Variants in ALPL observed in about 807,000 individuals in gnomAD.
ALPL encodes the protein alkaline phosphatase, tissue-nonspecific isozyme.
Under a neutral mutation model 51.3 loss-of-function variants are expected in ALPL, and 42 were observed. The ratio of observed to expected loss-of-function variants is 0.82; its 90% confidence interval spans 0.64 to 1.06. The LOEUF (loss-of-function observed/expected upper bound fraction) is 1.06, where lower values mean the gene tolerates loss of function less well. Ranked by LOEUF, ALPL falls within the 50% of genes least tolerant of loss-of-function variation. The pLI, the probability that ALPL is intolerant of heterozygous loss-of-function variation, is 0.00. For synonymous variants in ALPL, 279 were observed against 296.4 expected, an observed-to-expected ratio of 0.94 and a Z score of 0.60; for missense variants, 589 against 709.4, an observed-to-expected ratio of 0.83 and a Z score of 1.93.
intron 2 of ALPL, among the ~76,000 whole-genome samples, chr1:21,556,078 TTTTG>T (rs1644410073): frequency 6.6e-6 from 1 of 152,092 alleles, no homozygotes; most frequent in African/African-American, 2.4e-5. Context: ...CGGCCGAGTT[TTTTG>T]TTTTTCTGTT....
rs76731989 is a variant in ALPL, at chr1:21,575,447, G to A, written c.998-286G>A. 7.5e-3 allele frequency among the ~76,000 whole-genome samples: 1,139 copies of A among 152,248 alleles called. 23 individuals carry two copies. Among genetic ancestry groups the A allele is most frequent in the African/African-American group, 0.026 (1,088 of 41,540 alleles). Reference sequence around the variant, plus strand: ...AGCTAGAGACAGTGCTGGGAGGGGCGGTGGGAGGAGTACAGCTTCCCGGCC... The same window carrying A: ...AGCTAGAGACAGTGCTGGGAGGGGCAGTGGGAGGAGTACAGCTTCCCGGCC... On this transcript the variant is annotated intron_variant, in intron 9 of 11. Transcript: ENST00000374840.
At chr1:21,571,395 G>A (rs1034984373) in intron 8 of ALPL, among the ~76,000 whole-genome samples, 14 of 151,828 alleles carry the variant, frequency 9.2e-5, no homozygotes, top group Admixed American at 7.9e-4. Context: ...GGTGCAGGCC[G>A]GGTGCAGTGG....
chr1:21,520,533 T>A lies in ALPL; in HGVS notation c.-105+11016T>A, dbSNP rs1643873198. Among the ~76,000 whole-genome samples, 4 of 146,574 alleles carry A rather than the reference T, an allele frequency of 2.7e-5. No homozygotes were observed. The Admixed American group carries it at 2.8e-4, about 10-fold the overall frequency. Reference sequence around the variant, plus strand: ...CCCAGGATGGAGTGCAGTGGCTTGATCTTGGCTCACTGCAGCCTCCCAGGT... The same window carrying A: ...CCCAGGATGGAGTGCAGTGGCTTGAACTTGGCTCACTGCAGCCTCCCAGGT... On this transcript the variant is annotated intron_variant, in intron 1 of 11. Transcript: ENST00000374840.
At chr1:21,528,012 T>TG (rs67300868) in intron 1 of ALPL, among the ~76,000 whole-genome samples, 10 of 98,488 alleles carry the variant, frequency 1.0e-4, no homozygotes, top group African/African-American at 6.1e-4. Context: ...TTTTTTTTTT[T>TG]TTTGTTTTTT....
chr1:21,543,795 C>T (rs533557514), intron 1 of ALPL, among the ~76,000 whole-genome samples: 3 of 152,274 alleles, frequency 2.0e-5, no homozygotes, highest in African/African-American at 7.2e-5. Context: ...CCGGGGGCTC[C>T]CTAAGGGCAA....
At chr1:21,549,866 A>G (rs1157358869) in intron 1 of ALPL, among the ~76,000 whole-genome samples, 4 of 152,202 alleles carry the variant, frequency 2.6e-5, no homozygotes, top group Non-Finnish European at 5.9e-5. Flanking sequence ...TAACCATTAC[A>G]CGATGGAACC....
chr1:21,561,090 A>G lies in ALPL; in HGVS notation c.182-7A>G, dbSNP rs1644478063. 1.9e-6 allele frequency: 3 copies of G among 1,602,530 alleles called. No individual in the cohort carries two copies. The highest frequency in any genetic ancestry group is 3.4e-5 in the Admixed American group (2 of 58,786). Reference sequence around the variant, plus strand: ...CGAGAGACTGAGGCCCCCACTCCCCACTGCAGGGATGGGTGTCTCCACAGT... The same window carrying G: ...CGAGAGACTGAGGCCCCCACTCCCCGCTGCAGGGATGGGTGTCTCCACAGT... On this transcript the variant is annotated splice_polypyrimidine_tract_variant and splice_region_variant and intron_variant, in intron 3 of 11. Coordinates refer to ENST00000374840, the MANE Select transcript of ALPL (RefSeq NM_000478.6).
At chr1:21,523,389 A>G (rs547129255) in intron 1 of ALPL, among the ~76,000 whole-genome samples, 30 of 152,340 alleles carry the variant, frequency 2.0e-4, no homozygotes, top group Admixed American at 5.9e-4. Flanking sequence ...GAACACCAGC[A>G]CTCAGGCTGT....
At chr1:21,549,710 G>A (rs990846160) in intron 1 of ALPL, among the ~76,000 whole-genome samples, 1 of 152,026 alleles carries the variant, frequency 6.6e-6, no homozygotes, top group Non-Finnish European at 1.5e-5. Context: ...GGATCCACCC[G>A]CCTCAGCCTC....
intron 2 of ALPL, among the ~76,000 whole-genome samples, chr1:21,554,851 TTCTTTCTTTCTTTCTTTCTTTCTC>T (rs1558544034): frequency 3.7e-5 from 5 of 135,398 alleles, no homozygotes; most frequent in Non-Finnish European, 7.8e-5. Context: ...CTTTCTTTCT[TTCTTTCTTTCTTTCTTTCTTTCTC>T]TCTTTCTTTC....
intron 1 of ALPL, among the ~76,000 whole-genome samples, chr1:21,531,353 A>G (rs1425422463): frequency 6.6e-6 from 1 of 152,228 alleles, no homozygotes; most frequent in African/African-American, 2.4e-5. Flanking sequence ...CTTGGCTCCC[A>G]AAGTGCTGGA....
intron 6 of ALPL, among the ~76,000 whole-genome samples, chr1:21,565,488 C>T (rs1266883724): frequency 6.6e-6 from 1 of 152,012 alleles, no homozygotes; most frequent in Non-Finnish European, 1.5e-5. Context: ...GTTGTACAGG[C>T]ACAGGGTATA....
chr1:21,518,862 G>C (rs1643849515), intron 1 of ALPL, among the ~76,000 whole-genome samples: 2 of 152,040 alleles, frequency 1.3e-5, no homozygotes, highest in Admixed American at 1.3e-4. Flanking sequence ...GGACCACCTG[G>C]GCCCTACAGT....
chr1:21,554,591 C>T (rs1644374858), intron 2 of ALPL, among the ~76,000 whole-genome samples: 2 of 150,868 alleles, frequency 1.3e-5, no homozygotes, highest in Admixed American at 6.6e-5. Flanking sequence ...CCTGGGTTCA[C>T]GCCATTCTCC....
chr1:21,539,481 T>A (rs984311043), intron 1 of ALPL, among the ~76,000 whole-genome samples: 2 of 152,174 alleles, frequency 1.3e-5, no homozygotes. Flanking sequence ...AAATCACTAA[T>A]GTACGGAAGT....
chr1:21,554,765 C>T (rs1644377679), intron 2 of ALPL, among the ~76,000 whole-genome samples: 1 of 151,554 alleles, frequency 6.6e-6, no homozygotes, highest in South Asian at 2.1e-4. Context: ...GCTGGGATTA[C>T]AGGCGTGAGC....
chr1:21,538,235 G>A (rs1015837564), intron 1 of ALPL, among the ~76,000 whole-genome samples: 2 of 152,188 alleles, frequency 1.3e-5, no homozygotes, highest in African/African-American at 4.8e-5. Flanking sequence ...GGCCTGCTGA[G>A]CTGCATGCCC....
chr1:21,575,887 A>C lies in ALPL; in HGVS notation c.1152A>C (p.Thr384=). 1 of 1,614,140 alleles carries C rather than the reference A, an allele frequency of 6.2e-7. No individual in the cohort carries two copies. The highest frequency in any genetic ancestry group is 1.1e-5 in the South Asian group (1 of 91,082). ...CTGCGGACCATTCCCACGTCTTCAC[A>C]TTTGGTGGATACACCCCCCGTGGCA... ...VVTADHSHVF[T]FGGYTPRGNS... is the part of the protein sequence containing the mutation. Residue 384 remains threonine (T), a synonymous_variant, in exon 10 of 12, where the codon ACA becomes ACC. Transcript: ENST00000374840.
At chr1:21,518,564 A>T (rs1643844718) in intron 1 of ALPL, among the ~76,000 whole-genome samples, 1 of 152,124 alleles carries the variant, frequency 6.6e-6, no homozygotes, top group African/African-American at 2.4e-5. Context: ...TCTTTCCAGG[A>T]GGACCTGAAA....
Sources: gnomAD v4.1 joint callset for allele counts (sites outside exome capture counted in the v4.1 genomes callset) on GRCh38, gnomAD v4.1.1 for gene constraint, MANE v1.5 for transcripts, NCBI Gene and HGNC (gene_info 2026-07-23, HGNC 2026-07-21) for gene names.